The following DLG2 variants were observed in gnomAD, a reference collection of about 807,000 sequenced individuals.
The protein encoded by DLG2 is disks large homolog 2.
In DLG2, 45 loss-of-function variants were observed where a neutral mutation model predicts 132.5. That is an observed-to-expected ratio of 0.34 (90% CI 0.27 to 0.44). The LOEUF is 0.44. Ranked by LOEUF, DLG2 falls within the 20% of genes least tolerant of loss-of-function variation. The pLI, the probability that DLG2 is intolerant of heterozygous loss-of-function variation, is 1.00. For synonymous variants in DLG2, 424 were observed against 419.6 expected (o/e 1.01, Z -0.13); for missense variants, 1,045 against 1,196.9 (o/e 0.87, Z 1.87).
At chr11:84,868,508 C>T (rs184652980) in intron 6 of DLG2, among the ~76,000 whole-genome samples, 12 of 152,196 alleles carry the variant, frequency 7.9e-5, no homozygotes, top group African/African-American at 2.6e-4. Context: ...ACAGAAATAA[C>T]TCCCTGTAGA....
intron 7 of DLG2, among the ~76,000 whole-genome samples, chr11:84,522,465 C>T (rs1303545560): frequency 1.3e-5 from 2 of 152,130 alleles, no homozygotes; most frequent in African/African-American, 4.8e-5. Context: ...AATGAACTTA[C>T]CTGTGACCCA....
At chr11:85,083,853 A>G (rs2067557937) in intron 6 of DLG2, among the ~76,000 whole-genome samples, 1 of 152,062 alleles carries the variant, frequency 6.6e-6, no homozygotes, top group Non-Finnish European at 1.5e-5. Context: ...GTTGTGCCTA[A>G]ATTCTAAGGG....
chr11:84,439,546 C>A lies in DLG2; in HGVS notation c.519+95024G>T, dbSNP rs17147358. On this transcript the variant is annotated intron_variant, in intron 7 of 27. Transcript: ENST00000376104. ...CCTTTCCTTTAATTTCCTTTTGACACTCTAAGGCAACCCCTGTGCAAATTT... is the reference window on the plus strand; with the variant it reads ...CCTTTCCTTTAATTTCCTTTTGACAATCTAAGGCAACCCCTGTGCAAATTT... Among the ~76,000 whole-genome samples, 1,018 of 152,228 alleles carry A rather than the reference C, an allele frequency of 6.7e-3. 6 individuals are homozygous for A. Among genetic ancestry groups the A allele is most frequent in the African/African-American group, 0.023 (963 of 41,524 alleles).
At chr11:83,979,129 T>C (rs745357644) in intron 12 of DLG2, among the ~76,000 whole-genome samples, 1 of 152,158 alleles carries the variant, frequency 6.6e-6, no homozygotes, top group Non-Finnish European at 1.5e-5. Flanking sequence ...AAAGATCTTA[T>C]CTAACACAAA....
chr11:85,137,676 G>C (rs779721126), intron 5 of DLG2, among the ~76,000 whole-genome samples: 25 of 152,170 alleles, frequency 1.6e-4, no homozygotes, highest in Non-Finnish European at 3.1e-4. Context: ...ACCCCAGAAG[G>C]AATGGACTCC....
At chr11:84,785,455 T>C (rs2072713513) in intron 6 of DLG2, among the ~76,000 whole-genome samples, 1 of 152,074 alleles carries the variant, frequency 6.6e-6, no homozygotes, top group African/African-American at 2.4e-5. Context: ...TAATTGTCTT[T>C]TTATGATGTT....
chr11:83,852,278 G>A (rs1251410108), intron 16 of DLG2, among the ~76,000 whole-genome samples: 5 of 152,204 alleles, frequency 3.3e-5, no homozygotes, highest in Non-Finnish European at 7.3e-5. Flanking sequence ...CACCTGCCTA[G>A]AGGGGCAAAA....
chr11:83,640,548 T>C (rs2153479279), intron 18 of DLG2, among the ~76,000 whole-genome samples: 1 of 152,306 alleles, frequency 6.6e-6, no homozygotes, highest in South Asian at 2.1e-4. Flanking sequence ...CTTTCATTTA[T>C]TCAGTAAATA....
chr11:84,938,978 T>C (rs1274652782), intron 6 of DLG2, among the ~76,000 whole-genome samples: 2 of 152,172 alleles, frequency 1.3e-5, no homozygotes, highest in African/African-American at 2.4e-5. Context: ...GGAAACTTTG[T>C]AGACAAACGG....
At chr11:84,447,715 G>A (rs1031851011) in intron 7 of DLG2, among the ~76,000 whole-genome samples, 3 of 151,778 alleles carry the variant, frequency 2.0e-5, no homozygotes, top group African/African-American at 4.8e-5. Context: ...CTCAAAAGAA[G>A]GCTTGCAGGA....
chr11:85,538,374 A>G, intron 3 of DLG2, among the ~76,000 whole-genome samples: 1 of 151,868 alleles, frequency 6.6e-6, no homozygotes, highest in Non-Finnish European at 1.5e-5. Flanking sequence ...AAATAGGAAC[A>G]CTTTTACACT....
intron 4 of DLG2, among the ~76,000 whole-genome samples, chr11:85,211,494 G>A (rs2082253097): frequency 6.6e-6 from 1 of 152,074 alleles, no homozygotes. Flanking sequence ...CTCCTCAGAA[G>A]TAAGGTGTCC....
intron 6 of DLG2, among the ~76,000 whole-genome samples, chr11:84,542,883 T>C (rs570530381): frequency 5.3e-5 from 8 of 152,234 alleles, no homozygotes; most frequent in African/African-American, 1.9e-4. Flanking sequence ...TTGAGAACAA[T>C]GATTTGTTTA....
chr11:83,580,394 T>C (rs1025297507), intron 19 of DLG2, among the ~76,000 whole-genome samples: 4 of 152,258 alleles, frequency 2.6e-5, no homozygotes, highest in Non-Finnish European at 5.9e-5. Flanking sequence ...CACTACTCTC[T>C]GCTAGGCACT....
rs142602560 is a variant in DLG2, at chr11:84,288,812, T to A, written c.520-37521A>T. ...ATAGGCCTTGCAAACTTTGCTTCAT[T>A]GAACTATGTTGACATAATTAAAAGT... On this transcript the variant is annotated intron_variant, in intron 7 of 27. Coordinates refer to ENST00000376104, the MANE Select transcript of DLG2 (RefSeq NM_001142699.3). Among the ~76,000 whole-genome samples the A allele has an allele frequency of 9.2e-3, 1,403 of 152,278 alleles. 9 individuals carry two copies. The highest frequency in any genetic ancestry group is 0.014 in the Non-Finnish European group (936 of 67,984).
intron 6 of DLG2, among the ~76,000 whole-genome samples, chr11:84,699,323 G>C (rs1344533169): frequency 2.6e-5 from 4 of 151,582 alleles, no homozygotes; most frequent in Non-Finnish European, 5.9e-5. Context: ...GTAAAGAGTA[G>C]AAATAATGTC....
At chr11:83,559,985 G>A (rs1019141998) in intron 19 of DLG2, among the ~76,000 whole-genome samples, 2 of 152,110 alleles carry the variant, frequency 1.3e-5, no homozygotes, top group Non-Finnish European at 2.9e-5. Context: ...TCTTGTGTAA[G>A]TCACTGCTAT....
At chr11:85,557,279 A>G (rs2076993225) in intron 3 of DLG2, among the ~76,000 whole-genome samples, 1 of 151,960 alleles carries the variant, frequency 6.6e-6, no homozygotes. Flanking sequence ...AAGGAAAACT[A>G]CAAAACACTG....
rs185442631 is a variant in DLG2 at position 83,601,372 on chromosome 11, G to A, written c.1940+31839C>T. On this transcript the variant is annotated intron_variant, in intron 19 of 27. Coordinates refer to ENST00000376104, the MANE Select transcript of DLG2 (RefSeq NM_001142699.3). ...GTGATGTATGTAGCTACCCTGTGAT[G>A]TTCTGACTTGGTAAGTTGGTAAGTG... is the stretch of plus-strand genomic sequence containing the variant. Among the ~76,000 whole-genome samples the A allele has an allele frequency of 1.7e-3, 255 of 152,226 alleles. 1 individual carries two copies. The highest frequency in any genetic ancestry group is 5.9e-3 in the African/African-American group (246 of 41,520).
Sources: allele counts gnomAD v4.1 joint callset (sites outside exome capture counted in the v4.1 genomes callset), GRCh38; gene constraint gnomAD v4.1.1; transcripts MANE v1.5; gene names NCBI Gene and HGNC (gene_info 2026-07-23, HGNC 2026-07-21).